The following AGBL1 variants were observed in gnomAD, a reference collection of about 807,000 sequenced individuals.
AGBL1 encodes the protein AGBL carboxypeptidase 1.
AGBL1 carries 130 observed loss-of-function variants against 118.9 expected under a neutral mutation model. The ratio of observed to expected loss-of-function variants is 1.09; its 90% CI spans 0.95 to 1.26. AGBL1 has a LOEUF of 1.26. Ranked by LOEUF, AGBL1 falls within the 50% of genes most tolerant of loss-of-function variation. AGBL1 has a pLI of 0.00. For missense variants in AGBL1, 1,584 were observed against 1,298.1 expected (o/e 1.22, Z -3.38); for synonymous variants, 555 against 478.9 (o/e 1.16, Z -2.08).
intron 23 of AGBL1, among the ~76,000 whole-genome samples, chr15:86,933,373 T>C (rs1596647996): frequency 6.6e-6 from 1 of 152,180 alleles, no homozygotes; most frequent in Non-Finnish European, 1.5e-5. Context: ...ATAAGGGATA[T>C]GGGAGGGGTC....
intron 21 of AGBL1, among the ~76,000 whole-genome samples, chr15:86,634,293 C>A (rs1278230710): frequency 4.6e-5 from 7 of 151,974 alleles, no homozygotes; most frequent in African/African-American, 1.7e-4. Flanking sequence ...TTTATAACAG[C>A]CAACAAGTAG....
intron 18 of AGBL1, among the ~76,000 whole-genome samples, chr15:86,507,342 C>G (rs978351051): frequency 6.6e-6 from 1 of 152,056 alleles, no homozygotes; most frequent in Non-Finnish European, 1.5e-5. Flanking sequence ...TATACTCAGA[C>G]CATAAAAATA....
chr15:86,905,462 G>C (rs1278422975), intron 22 of AGBL1, among the ~76,000 whole-genome samples: 1 of 152,206 alleles, frequency 6.6e-6, no homozygotes, highest in Non-Finnish European at 1.5e-5. Flanking sequence ...AGTTATTGCA[G>C]TAACCCAGGT....
intron 18 of AGBL1, among the ~76,000 whole-genome samples, chr15:86,520,195 T>G (rs1238290235): frequency 6.6e-6 from 1 of 152,150 alleles, no homozygotes; most frequent in Non-Finnish European, 1.5e-5. Flanking sequence ...CCTTGAGCAT[T>G]TTAGATGTAG....
At chr15:86,441,150 G>T (rs2082059857) in intron 18 of AGBL1, among the ~76,000 whole-genome samples, 1 of 152,180 alleles carries the variant, frequency 6.6e-6, no homozygotes, top group African/African-American at 2.4e-5. Context: ...TATTATAAAG[G>T]GTGCTCGGTG....
At chr15:86,720,092 G>A (rs190078435) in intron 22 of AGBL1, among the ~76,000 whole-genome samples, 1 of 152,282 alleles carries the variant, frequency 6.6e-6, no homozygotes, top group African/African-American at 2.4e-5. Context: ...AGTATATACA[G>A]ATTACTGTCA....
At chr15:87,002,306 C>G (rs2081448616) in intron 24 of AGBL1, among the ~76,000 whole-genome samples, 1 of 151,980 alleles carries the variant, frequency 6.6e-6, no homozygotes, top group African/African-American at 2.4e-5. Flanking sequence ...GGTATTATTT[C>G]TGAGGGCTCT....
At chr15:86,859,051 C>G (rs965367428) in intron 22 of AGBL1, among the ~76,000 whole-genome samples, 4 of 152,218 alleles carry the variant, frequency 2.6e-5, no homozygotes, top group Non-Finnish European at 5.9e-5. Flanking sequence ...GCTGCCCAAG[C>G]TCAGCACTAG....
chr15:86,119,104 G>T (rs1897937148), intron 1 of AGBL1, among the ~76,000 whole-genome samples: 1 of 152,142 alleles, frequency 6.6e-6, no homozygotes, highest in Non-Finnish European at 1.5e-5. Flanking sequence ...GCTTGATTAG[G>T]ACTCATTTGG....
At chr15:86,625,626 C>T (rs1355876843) in intron 21 of AGBL1, among the ~76,000 whole-genome samples, 1 of 151,838 alleles carries the variant, frequency 6.6e-6, no homozygotes, top group African/African-American at 2.4e-5. Flanking sequence ...AAAGTAAATT[C>T]TGGATCTTTG....
intron 1 of AGBL1, among the ~76,000 whole-genome samples, chr15:86,080,737 G>A (rs1895213126): frequency 6.6e-6 from 1 of 152,182 alleles, no homozygotes. Context: ...AACTGATCTA[G>A]GGATCAATCC....
At chr15:87,006,802 A>G (rs887835356) in intron 24 of AGBL1, among the ~76,000 whole-genome samples, 1 of 152,144 alleles carries the variant, frequency 6.6e-6, no homozygotes, top group African/African-American at 2.4e-5. Flanking sequence ...AGCTGTTGCT[A>G]TTCAGCCATC....
intron 1 of AGBL1, among the ~76,000 whole-genome samples, chr15:86,108,493 G>A (rs1189580206): frequency 6.6e-6 from 1 of 152,160 alleles, no homozygotes; most frequent in Non-Finnish European, 1.5e-5. Flanking sequence ...AATACCTCCT[G>A]TAGTCCCAGG....
chr15:86,341,951 G>A (rs1232863205), intron 17 of AGBL1, among the ~76,000 whole-genome samples: 1 of 152,010 alleles, frequency 6.6e-6, no homozygotes, highest in East Asian at 1.9e-4. Context: ...TATTATTCAG[G>A]TTATATGAAT....
chr15:86,335,295 C>T (rs542793117), intron 17 of AGBL1, among the ~76,000 whole-genome samples: 11 of 152,168 alleles, frequency 7.2e-5, no homozygotes, highest in South Asian at 6.2e-4. Context: ...TGTGCCACCA[C>T]GCCCAGCTAA....
At chr15:87,004,305 A>G (rs1043951378) in intron 24 of AGBL1, among the ~76,000 whole-genome samples, 1 of 152,066 alleles carries the variant, frequency 6.6e-6, no homozygotes, top group African/African-American at 2.4e-5. Context: ...CTCCCACACA[A>G]TTATAGTGGG....
At chr15:86,269,216 A>C (rs1336842852) in intron 13 of AGBL1, among the ~76,000 whole-genome samples, 1 of 152,180 alleles carries the variant, frequency 6.6e-6, no homozygotes, top group African/African-American at 2.4e-5. Flanking sequence ...ATCACAATGA[A>C]AATGAAACAA....
At chr15:86,900,877 C>A (rs1352724429) in intron 22 of AGBL1, among the ~76,000 whole-genome samples, 1 of 152,054 alleles carries the variant, frequency 6.6e-6, no homozygotes, top group East Asian at 1.9e-4. Context: ...TTACCTGGAC[C>A]CTCTCTAATG....
intron 5 of AGBL1, among the ~76,000 whole-genome samples, chr15:86,220,720 A>T (rs1222693861): frequency 1.4e-4 from 22 of 152,188 alleles, no homozygotes; most frequent in Non-Finnish European, 4.4e-5. Context: ...CTCTTGGAGC[A>T]AGATGTTCTG....
Sources: gnomAD v4.1 joint callset for allele counts (sites outside exome capture counted in the v4.1 genomes callset) on GRCh38, gnomAD v4.1.1 for gene constraint, MANE v1.5 for transcripts, NCBI Gene and HGNC (gene_info 2026-07-23, HGNC 2026-07-21) for gene names.